COL28A1: variants seen among roughly 807,000 people sequenced by gnomAD.
COL28A1 encodes the protein collagen alpha-1(XXVIII) chain.
In COL28A1, 161 loss-of-function variants were observed where a neutral mutation model predicts 150.2. That is an observed-to-expected ratio of 1.07 (90% CI 0.94 to 1.22). The LOEUF (loss-of-function observed/expected upper bound fraction) is 1.22, where lower values mean the gene tolerates loss of function less well. Among genes scored for constraint, COL28A1 ranks in the 50% most tolerant of loss-of-function variants. The probability of loss-of-function intolerance (pLI) is 0.00; values close to 1 mark genes in which losing one functional copy is unlikely to be tolerated. For missense variants in COL28A1, 1,617 were observed against 1,388.3 expected (o/e 1.16, Z -2.62); for synonymous variants, 552 against 469.7 (o/e 1.18, Z -2.26).
rs180800469 is a variant in COL28A1, at chr7:7,496,613, C to T, written c.1027-5967G>A. Among the ~76,000 whole-genome samples the T allele has an allele frequency of 1.8e-3, 279 of 151,962 alleles. 1 individual carries two copies. Among genetic ancestry groups the T allele is most frequent in the Non-Finnish European group, 2.8e-3 (190 of 68,012 alleles). On this transcript the variant is annotated intron_variant, in intron 11 of 34. Coordinates refer to ENST00000399429, the MANE Select transcript of COL28A1 (RefSeq NM_001037763.3). ...AAGAGGAAAATTCAGCTGAGAAAAC[C>T]GACTAACACTCCGTATCCCTGGCAC... is the stretch of plus-strand genomic sequence containing the variant.
intron 27 of COL28A1, among the ~76,000 whole-genome samples, chr7:7,402,469 TGA>T: frequency 6.6e-6 from 1 of 152,304 alleles, no homozygotes; most frequent in South Asian, 2.1e-4. Context: ...AATTAGCAAA[TGA>T]GAGACTGCAT....
the COL28A1 span, among the ~76,000 whole-genome samples, chr7:7,349,421 T>C: frequency 6.6e-6 from 1 of 152,126 alleles, no homozygotes; most frequent in Non-Finnish European, 1.5e-5. Flanking sequence ...CTTTGGGTAG[T>C]TTCCTCACTT....
At chr7:7,356,778 T>G (rs1014269538), downstream of COL28A1, 4 of 152,114 alleles carry the variant, frequency 2.6e-5, no homozygotes, top group African/African-American at 9.7e-5. Flanking sequence ...CACACCAACA[T>G]GGCACATGAA....
At chr7:7,360,879 T>C (rs917044879) in intron 33 of COL28A1, among the ~76,000 whole-genome samples, 1 of 152,238 alleles carries the variant, frequency 6.6e-6, no homozygotes, top group Non-Finnish European at 1.5e-5. Flanking sequence ...TTTATTTTCA[T>C]TCTTAGCCAC....
At chr7:7,428,079 A>C (rs1784744621) in intron 25 of COL28A1, among the ~76,000 whole-genome samples, 1 of 152,200 alleles carries the variant, frequency 6.6e-6, no homozygotes, top group Non-Finnish European at 1.5e-5. Flanking sequence ...AAACAGGGGG[A>C]CTGTTAAAAA....
chr7:7,508,590 C>T (rs1247122382), intron 9 of COL28A1, among the ~76,000 whole-genome samples: 4 of 152,174 alleles, frequency 2.6e-5, no homozygotes, highest in African/African-American at 9.7e-5. Flanking sequence ...TTATGGGCTC[C>T]CCATCAACAA....
Position 7,447,887 on chromosome 7 carries a change from C to T in COL28A1, c.1510-3398G>A, listed in dbSNP as rs182979528. 4.4e-4 allele frequency among the ~76,000 whole-genome samples: 67 copies of T among 152,108 alleles called. No individual in the cohort carries two copies. The East Asian group carries it at 0.011, about 25-fold the overall frequency. ...CATCCAAATAGCCAGGCCAACATTA[C>T]TAAAGCCCATCTCTACTAAAAAATA... On this transcript the variant is annotated intron_variant, in intron 18 of 34. Coordinates refer to ENST00000399429, the MANE Select transcript of COL28A1 (RefSeq NM_001037763.3).
At chr7:7,441,219 G>A (rs1785759303) in intron 20 of COL28A1, among the ~76,000 whole-genome samples, 1 of 152,060 alleles carries the variant, frequency 6.6e-6, no homozygotes. Context: ...GCTTTTTCAT[G>A]CTGTTTTTCA....
intron 15 of COL28A1, among the ~76,000 whole-genome samples, chr7:7,461,416 T>C (rs1787610068): frequency 1.3e-5 from 2 of 152,164 alleles, no homozygotes; most frequent in South Asian, 4.1e-4. Flanking sequence ...GTGAATCCAG[T>C]GTGCAGACTC....
chr7:7,486,910 T>A (rs1221000548), intron 13 of COL28A1, among the ~76,000 whole-genome samples: 1 of 152,208 alleles, frequency 6.6e-6, no homozygotes, highest in African/African-American at 2.4e-5. Flanking sequence ...TCTTCTTATG[T>A]ATGTTTAGTA....
intron 27 of COL28A1, 122 bp from the exon 28 acceptor site, chr7:7,381,734 AAT>A (rs61544045): frequency 0.015 from 8,774 of 589,670 alleles, 215 homozygotes; most frequent in African/African-American, 0.091. Context: ...TATTAGGGGA[AAT>A]ATATATATAT....
In COL28A1 at chr7:7,531,916, T is replaced by G. The variant is rs760979376; in HGVS notation, c.125-12A>C. On this transcript the variant is annotated splice_polypyrimidine_tract_variant and intron_variant, in intron 2 of 34. Coordinates refer to ENST00000399429, the MANE Select transcript of COL28A1 (RefSeq NM_001037763.3). ...GAAACAAATGGAGCCTGAAACAGAA[T>G]AAACAGGTTAGGCAAAATAATTATT... The G allele has an allele frequency of 6.5e-7, 1 of 1,543,088 alleles. No individual in the cohort carries two copies. Among genetic ancestry groups the G allele is most frequent in the African/African-American group, 1.4e-5 (1 of 72,840 alleles).
Position 7,531,420 on chromosome 7 carries a change from A to C in COL28A1, c.609T>G (p.Ser203=). 1 of 1,602,188 alleles carries C rather than the reference A, an allele frequency of 6.2e-7. No homozygotes were observed. Among genetic ancestry groups the C allele is most frequent in the Non-Finnish European group, 8.5e-7 (1 of 1,170,426 alleles). ...VVNEAKLRLI[S]GDSSSEPTLL... Reference sequence around the variant, plus strand: ...AAGTGGGTTCACTGGATGAATCCCCAGAAATCAAACGAAGTTTGGCTTCAT... The same window carrying C: ...AAGTGGGTTCACTGGATGAATCCCCCGAAATCAAACGAAGTTTGGCTTCAT... The change falls in exon 3 of 35, where the codon TCT becomes TCG. Residue 203 remains serine (S), a synonymous_variant. Transcript: ENST00000399429.
intron 6 of COL28A1, 150 bp from the exon 7 acceptor site, chr7:7,517,987 CA>C (rs67184564): frequency 0.49 from 255,575 of 516,414 alleles, 30,027 homozygotes; most frequent in Admixed American, 0.58. Context: ...GCAATCTAGG[CA>C]AAAAAAAAAA....
chr7:7,383,194 T>C (rs1213146259), intron 27 of COL28A1, among the ~76,000 whole-genome samples: 1 of 152,034 alleles, frequency 6.6e-6, no homozygotes, highest in Non-Finnish European at 1.5e-5. Flanking sequence ...TATTTATCAT[T>C]CATATCCATG....
In COL28A1 at chr7:7,375,443, T is replaced by C. The variant is rs1318393627; in HGVS notation, c.2359+18A>G. On this transcript the variant is annotated intron_variant, in intron 31 of 34. Transcript: ENST00000399429. ...GCTGATGCTTTAAAGTGATGTTTTT[T>C]CCTTGATCAAATCTTACCACATATT... The C allele has an allele frequency of 6.4e-7, 1 of 1,573,650 alleles. No homozygotes were observed. Among genetic ancestry groups the C allele is most frequent in the East Asian group, 2.3e-5 (1 of 44,168 alleles).
intron 4 of COL28A1, among the ~76,000 whole-genome samples, chr7:7,523,589 G>A (rs1422119463): frequency 6.6e-6 from 1 of 152,074 alleles, no homozygotes; most frequent in Non-Finnish European, 1.5e-5. Flanking sequence ...TAAATTTCCT[G>A]ATGTTAAATA....
rs370656638 is a variant in COL28A1 at position 7,487,526 on chromosome 7, C to T, written c.1164+1863G>A. Among the ~76,000 whole-genome samples, 55 of 152,168 alleles carry T rather than the reference C, an allele frequency of 3.6e-4. 1 individual carries two copies. The East Asian group carries it at 9.9e-3, about 27-fold the overall frequency. ...CTGGGAGGCAGAGGCTGCAGTGAGC[C>T]GAGATCATGCCTCTGCCCTCCAGCC... On this transcript the variant is annotated intron_variant, in intron 13 of 34. Coordinates refer to ENST00000399429, the MANE Select transcript of COL28A1 (RefSeq NM_001037763.3).
Position 7,436,400 on chromosome 7 carries a change from G to T in COL28A1, c.1855C>A (p.Pro619Thr), listed in dbSNP as rs770138533. 2 of 1,332,528 alleles carry T rather than the reference G, an allele frequency of 1.5e-6. No homozygotes were observed. The highest frequency in any genetic ancestry group is 2.2e-6 in the Non-Finnish European group (2 of 922,768). 82.5% of individuals were successfully genotyped at this position (1,332,528 alleles called of 1,614,324 possible). A position where few individuals can be genotyped will look rare whatever the true frequency, so the allele number is the denominator to read the frequency against. Reference protein sequence around the residue: ...KGEPGLSIRGPKGVQGPRGPV... With the variant: ...KGEPGLSIRGTKGVQGPRGPV... ...AGAACATGAATAAAGCATACCTTTG[G>T]TCCTCGAATAGAAAGTCCAGGTTCT... is the stretch of plus-strand genomic sequence containing the variant. The change falls in exon 23 of 35, where the codon CCA becomes ACA. Residue 619 changes from proline to threonine, a missense_variant. Physicochemically the swap from Pro to Thr is conservative, Grantham distance 38. Transcript: ENST00000399429.
Sources: gnomAD v4.1 joint callset for allele counts (sites outside exome capture counted in the v4.1 genomes callset) on GRCh38, gnomAD v4.1.1 for gene constraint, MANE v1.5 for transcripts, NCBI Gene and HGNC (gene_info 2026-07-23, HGNC 2026-07-21) for gene names.